Variants in FIGN observed in about 807,000 individuals in gnomAD.
FIGN encodes fidgetin, microtubule severing factor.
In FIGN, 11 loss-of-function variants were observed where a neutral mutation model predicts 51.3. The observed-to-expected ratio is 0.21, with a 90% CI of 0.13 to 0.35. The LOEUF (loss-of-function observed/expected upper bound fraction) is 0.35, where lower values mean the gene tolerates loss of function less well. Among genes scored for constraint, FIGN ranks in the 10% least tolerant of loss-of-function variants. FIGN has a pLI of 1.00. For missense variants in FIGN, 857 were observed against 943.6 expected, an observed-to-expected ratio of 0.91 and a Z score of 1.20; for synonymous variants, 407 against 363.2, an observed-to-expected ratio of 1.12 and a Z score of -1.37.
At chr2:163,720,856 A>C (rs2105362823) in intron 2 of FIGN, among the ~76,000 whole-genome samples, 1 of 152,164 alleles carries the variant, frequency 6.6e-6, no homozygotes, top group African/African-American at 2.4e-5. Flanking sequence ...TTTATCTTTT[A>C]ATTCAGATCA....
At chr2:163,730,075 G>A (rs1385696672) in intron 2 of FIGN, among the ~76,000 whole-genome samples, 1 of 152,234 alleles carries the variant, frequency 6.6e-6, no homozygotes, top group Non-Finnish European at 1.5e-5. Flanking sequence ...TATTGAGGCA[G>A]CGCTTCTGAG....
intron 2 of FIGN, among the ~76,000 whole-genome samples, chr2:163,620,908 C>T (rs1441039365): frequency 6.8e-6 from 1 of 147,832 alleles, no homozygotes; most frequent in Non-Finnish European, 1.5e-5. Context: ...AATGCAAAGC[C>T]CAATTTAGTT....
intron 2 of FIGN, among the ~76,000 whole-genome samples, chr2:163,660,562 T>A (rs6713442): frequency 0.1 from 15,476 of 150,584 alleles, 1,500 homozygotes; most frequent in East Asian, 0.32. Context: ...ACAACCTCCA[T>A]GTTGCAACAC....
intron 2 of FIGN, among the ~76,000 whole-genome samples, chr2:163,684,827 T>C (rs1684119455): frequency 6.6e-6 from 1 of 152,118 alleles, no homozygotes; most frequent in South Asian, 2.1e-4. Context: ...CAGGCTGGAG[T>C]GCACTGGCGT....
chr2:163,652,235 A>G (rs1454576385), intron 2 of FIGN, among the ~76,000 whole-genome samples: 2 of 152,110 alleles, frequency 1.3e-5, no homozygotes, highest in Non-Finnish European at 2.9e-5. Flanking sequence ...TAAATAAAAA[A>G]TAACAGCTTT....
intron 2 of FIGN, among the ~76,000 whole-genome samples, chr2:163,698,516 A>G (rs886412400): frequency 6.6e-6 from 1 of 152,022 alleles, no homozygotes; most frequent in Non-Finnish European, 1.5e-5. Flanking sequence ...CCACCCTACA[A>G]AACAAGGATG....
intron 2 of FIGN, among the ~76,000 whole-genome samples, chr2:163,674,650 A>C (rs184566582): frequency 3.3e-5 from 5 of 152,220 alleles, no homozygotes; most frequent in Non-Finnish European, 7.3e-5. Context: ...CATAAAGTGG[A>C]AGCAAATTTA....
rs1029343644 is a variant in FIGN at position 163,612,345 on chromosome 2, T to C, written c.26-539A>G. 1.8e-5 allele frequency: 18 copies of C among 985,308 alleles called. No individual in the cohort carries two copies. The African/African-American group carries it at 2.3e-4, about 12-fold the overall frequency. The allele number at this position is 985,308 out of a possible 1,614,324, so 61.0% of individuals were successfully genotyped here. On this transcript the variant is annotated intron_variant, in intron 2 of 2. Transcript: ENST00000333129. ...CTAGGATACCTCTCTTATTTGGTAC[T>C]GAACACCTAGTTAGCACAGTATAAT...
intron 2 of FIGN, among the ~76,000 whole-genome samples, chr2:163,689,304 G>A (rs1684202668): frequency 6.6e-6 from 1 of 151,990 alleles, no homozygotes; most frequent in Admixed American, 6.6e-5. Context: ...TATACTGCAA[G>A]TTTGAAAGTG....
At chr2:163,696,730 C>T (rs1684324875) in intron 2 of FIGN, among the ~76,000 whole-genome samples, 1 of 151,700 alleles carries the variant, frequency 6.6e-6, no homozygotes, top group Non-Finnish European at 1.5e-5. Context: ...TCCTGTGGTC[C>T]AGTCTCAGCT....
rs36027114 is a variant in FIGN at position 163,733,942 on chromosome 2, CAAA to C, written c.25+958_25+960del. On this transcript the variant is annotated intron_variant, in intron 2 of 2. Transcript: ENST00000333129. ...GTCATGGGGTAAACATAGCAACAACCAAAAAAAAAAAAAAAAAAAACAGTCTAA... is the reference window on the plus strand; with the variant it reads ...GTCATGGGGTAAACATAGCAACAACCAAAAAAAAAAAAAAAAACAGTCTAA... Among the ~76,000 whole-genome samples, 333 of 100,136 alleles carry C rather than the reference CAAA, an allele frequency of 3.3e-3. 1 individual carries two copies. The highest frequency in any genetic ancestry group is 0.012 in the African/African-American group (316 of 26,440). The allele number at this position is 100,136 out of a possible 152,430, so 65.7% of individuals were successfully genotyped here.
intron 2 of FIGN, among the ~76,000 whole-genome samples, chr2:163,731,477 G>A (rs1684928512): frequency 6.6e-6 from 1 of 151,868 alleles, no homozygotes; most frequent in African/African-American, 2.4e-5. Context: ...TCTATCAGAA[G>A]TAACTACCTA....
rs1184114747 is a variant in FIGN, at chr2:163,606,887, A to T, written c.*2665T>A. 1 of 152,136 alleles carries T rather than the reference A, an allele frequency of 6.6e-6. No individual in the cohort carries two copies. The highest frequency in any genetic ancestry group is 1.5e-5 in the Non-Finnish European group (1 of 68,028). 9.4% of individuals were successfully genotyped at this position (152,136 alleles called of 1,614,324 possible). A position where few individuals can be genotyped will look rare whatever the true frequency, so the allele number is the denominator to read the frequency against. On this transcript the variant is annotated 3_prime_UTR_variant, in exon 3 of 3. Transcript: ENST00000333129. The stretch of plus-strand genomic sequence containing the variant: ...TTTTGACCACTTGCATCTCAAATTA[A>T]TTTTTAAGTCACTCAGAGTTCTAAT...
intron 2 of FIGN, among the ~76,000 whole-genome samples, chr2:163,631,270 A>G (rs1338041096): frequency 2.0e-5 from 3 of 152,196 alleles, no homozygotes; most frequent in Non-Finnish European, 4.4e-5. Flanking sequence ...TGCCTACTAT[A>G]TATCATGTGA....
At chr2:163,638,845 T>A (rs967054496) in intron 2 of FIGN, among the ~76,000 whole-genome samples, 9 of 152,162 alleles carry the variant, frequency 5.9e-5, no homozygotes, top group Non-Finnish European at 1.2e-4. Flanking sequence ...AGAAGTCTAA[T>A]TATTTAAATA....
rs562183054 is a variant in FIGN, at chr2:163,716,768, CT to C, written c.25+18134del. On this transcript the variant is annotated intron_variant, in intron 2 of 2. Coordinates refer to ENST00000333129, the MANE Select transcript of FIGN (RefSeq NM_018086.4). ...TATCATATTCAAAAATTAAAAGTGC[CT>C]TTGATATAAAACTATAATCTGTTTT... 4.3e-3 allele frequency among the ~76,000 whole-genome samples: 647 copies of C among 152,118 alleles called. 1 individual carries two copies. Among genetic ancestry groups the C allele is most frequent in the Non-Finnish European group, 7.0e-3 (479 of 67,980 alleles).
chr2:163,615,841 A>AG (rs759147099), intron 2 of FIGN, among the ~76,000 whole-genome samples: 19 of 152,216 alleles, frequency 1.2e-4, no homozygotes, highest in Non-Finnish European at 2.5e-4. Context: ...TTTAAAGATA[A>AG]TTGAAGAATT....
chr2:163,724,913 T>C (rs1684816805), intron 2 of FIGN, among the ~76,000 whole-genome samples: 1 of 152,202 alleles, frequency 6.6e-6, no homozygotes, highest in Admixed American at 6.5e-5. Context: ...TATTAGTCAA[T>C]GATTCTTAAT....
chr2:163,610,019 T>A lies in FIGN; in HGVS notation c.1813A>T (p.Met605Leu). The A allele has an allele frequency of 6.2e-7, 1 of 1,614,096 alleles. No individual in the cohort carries two copies. The highest frequency in any genetic ancestry group is 8.5e-7 in the Non-Finnish European group (1 of 1,180,024). Residue 605 changes from methionine (M) to leucine (L), a missense_variant, in exon 3 of 3, where the codon ATG (methionine) becomes TTG (leucine). Physicochemically the swap from Met to Leu is conservative, Grantham distance 15. Transcript: ENST00000333129. ...VNEEHSPVSR[M>L]RTEFLMQLDT... ...AGTTGCATCAGAAATTCGGTTCTCA[T>A]CCGACTGACTGGACTATGTTCCTCA...
Sources: allele counts gnomAD v4.1 joint callset (sites outside exome capture counted in the v4.1 genomes callset), GRCh38; gene constraint gnomAD v4.1.1; transcripts MANE v1.5; gene names NCBI Gene and HGNC (gene_info 2026-07-23, HGNC 2026-07-21).